The following ZFPM2 variants were observed in gnomAD, a reference collection of about 807,000 sequenced individuals.
The protein encoded by ZFPM2 is zinc finger protein ZFPM2.
A neutral mutation model predicts 98.6 loss-of-function variants in ZFPM2; 20 were observed. The observed-to-expected ratio is 0.20, with a 90% CI of 0.14 to 0.29. The LOEUF is 0.29. Ranked by LOEUF, ZFPM2 falls within the 10% of genes least tolerant of loss-of-function variation. ZFPM2 has a pLI of 1.00. For missense variants in ZFPM2, 1,310 were observed against 1,388.6 expected (o/e 0.94, Z 0.90); for synonymous variants, 518 against 502.7 (o/e 1.03, Z -0.41).
At chr8:105,758,581 T>C (rs544882114) in intron 5 of ZFPM2, among the ~76,000 whole-genome samples, 17 of 152,280 alleles carry the variant, frequency 1.1e-4, no homozygotes, top group African/African-American at 4.1e-4. Flanking sequence ...TTTGGACTTT[T>C]TATTTCAGTC....
At chr8:105,544,605 A>G (rs1586451152) in intron 3 of ZFPM2, among the ~76,000 whole-genome samples, 1 of 152,320 alleles carries the variant, frequency 6.6e-6, no homozygotes, top group Non-Finnish European at 1.5e-5. Context: ...TTCTGAAGAA[A>G]AGGAGGTCTA....
At position 105,802,166 on chromosome 8, in the gene ZFPM2, C is replaced by T. The variant is rs757616386; in HGVS notation, c.2084C>T (p.Thr695Ile). Residue 695 changes from threonine to isoleucine, a missense_variant, in exon 8 of 8, where the codon ACC (threonine) becomes ATC (isoleucine). Transcript: ENST00000407775. The part of the protein sequence containing the change: ...NKTTCEACNI[T>I]FSRHETYMVH... ...ACTACCTGTGAAGCTTGCAACATTA[C>T]CTTCAGCCGGCACGAAACATACATG... The T allele has an allele frequency of 5.3e-5, 86 of 1,613,800 alleles. 3 individuals are homozygous for T. The South Asian group carries it at 8.3e-4, about 16-fold the overall frequency.
chr8:105,401,503 G>A (rs915739944), intron 1 of ZFPM2, among the ~76,000 whole-genome samples: 19 of 151,964 alleles, frequency 1.3e-4, no homozygotes, highest in African/African-American at 3.9e-4. Flanking sequence ...AGAATTTCAG[G>A]GCCATCCTGC....
At chr8:105,691,236 T>TGACCACCCTCACTA (rs1563523034) in intron 5 of ZFPM2, among the ~76,000 whole-genome samples, 2 of 101,726 alleles carry the variant, frequency 2.0e-5, no homozygotes, top group South Asian at 3.9e-4. Context: ...AGAGACTTTT[T>TGACCACCCTCACTA]TTTTTTTTTT....
chr8:105,707,241 C>CA (rs113671142), intron 5 of ZFPM2, among the ~76,000 whole-genome samples: 52,986 of 116,826 alleles, frequency 0.45, 10,542 homozygotes, highest in East Asian at 0.68. Flanking sequence ...GACTTTGTCT[C>CA]AAAAAAAAAA....
At position 105,648,592 on chromosome 8, in the gene ZFPM2, A is replaced by G. The variant is rs186193386; in HGVS notation, c.532+14235A>G. 4.8e-3 allele frequency among the ~76,000 whole-genome samples: 729 copies of G among 152,354 alleles called. 5 individuals are homozygous for G. The highest frequency in any genetic ancestry group is 0.017 in the African/African-American group (702 of 41,584). On this transcript the variant is annotated intron_variant, in intron 5 of 7. Transcript: ENST00000407775. ...AAAGGATCCAGTTTCAGCTTTCCAC[A>G]TATGGCTAGCCAGTTTTCCCAGCAC...
intron 5 of ZFPM2, among the ~76,000 whole-genome samples, chr8:105,736,367 G>C (rs913309583): frequency 1.7e-4 from 26 of 151,912 alleles, no homozygotes; most frequent in Non-Finnish European, 1.9e-4. Context: ...CTTTGACCTT[G>C]AGCCTCATAT....
intron 5 of ZFPM2, among the ~76,000 whole-genome samples, chr8:105,693,191 G>T (rs1301840697): frequency 6.6e-6 from 1 of 152,202 alleles, no homozygotes; most frequent in Admixed American, 6.5e-5. Context: ...TACTGATCCA[G>T]TCCTCCATGG....
intron 6 of ZFPM2, 166 bp from the exon 7 acceptor site, chr8:105,798,558 A>T: frequency 1.7e-6 from 1 of 576,404 alleles, no homozygotes; most frequent in Non-Finnish European, 3.1e-6. Flanking sequence ...TTTCTTTAAA[A>T]GTCGAGTCCT....
chr8:105,534,010 TCCTCCCTTCTTCCCTTCCTC>T (rs1272316875), intron 3 of ZFPM2, among the ~76,000 whole-genome samples: 1 of 20,518 alleles, frequency 4.9e-5, no homozygotes, highest in Middle Eastern at 0.028. Context: ...CTTCCTTCCT[TCCTCCCTTCTTCCCTTCCTC>T]CCTCCCTCCC....
At chr8:105,498,694 C>G (rs1453186641) in intron 3 of ZFPM2, among the ~76,000 whole-genome samples, 8 of 152,162 alleles carry the variant, frequency 5.3e-5, no homozygotes, top group Non-Finnish European at 1.2e-4. Context: ...TGCAAAGATT[C>G]GATGCTATGA....
chr8:105,532,483 A>G (rs1418410551), intron 3 of ZFPM2, among the ~76,000 whole-genome samples: 2 of 152,208 alleles, frequency 1.3e-5, no homozygotes, highest in Non-Finnish European at 2.9e-5. Flanking sequence ...GTATTGCTCT[A>G]CAGCCATAAG....
In ZFPM2 at chr8:105,803,081, A is replaced by G. The variant is rs1814090455; in HGVS notation, c.2999A>G (p.His1000Arg). 6.2e-7 allele frequency: 1 copy of G among 1,613,814 alleles called. No individual in the cohort carries two copies. Among genetic ancestry groups the G allele is most frequent in the African/African-American group, 1.3e-5 (1 of 74,926 alleles). The change falls in exon 8 of 8, where the codon CAT (histidine) becomes CGT (arginine). Residue 1000 changes from histidine (H) to arginine (R), a missense_variant. Transcript: ENST00000407775. ...TATATTTCTGGTTCTCTTGTCATCC[A>G]TAACACTGACATCGAGCAAAGCAGA... ...SDYISGSLVI[H>R]NTDIEQSRNA...
intron 5 of ZFPM2, among the ~76,000 whole-genome samples, chr8:105,721,448 A>T (rs1342348352): frequency 6.6e-6 from 1 of 151,960 alleles, no homozygotes; most frequent in East Asian, 1.9e-4. Flanking sequence ...CAAAAACAGA[A>T]AGTTTATCTT....
At chr8:105,570,720 G>A (rs894495023) in intron 4 of ZFPM2, among the ~76,000 whole-genome samples, 6 of 151,962 alleles carry the variant, frequency 3.9e-5, no homozygotes. Context: ...GTCTTTCCAG[G>A]TTCTTTACAT....
At chr8:105,513,673 G>T (rs1424659366) in intron 3 of ZFPM2, among the ~76,000 whole-genome samples, 1 of 152,174 alleles carries the variant, frequency 6.6e-6, no homozygotes, top group African/African-American at 2.4e-5. Context: ...CATTCTTCAA[G>T]TATTTGAATC....
chr8:105,721,322 C>G (rs1349604732), intron 5 of ZFPM2, among the ~76,000 whole-genome samples: 2 of 151,948 alleles, frequency 1.3e-5, no homozygotes, highest in Non-Finnish European at 2.9e-5. Flanking sequence ...GTTCACATAT[C>G]CCAGTTATAG....
intron 5 of ZFPM2, among the ~76,000 whole-genome samples, chr8:105,651,715 C>A (rs1817182223): frequency 6.6e-6 from 1 of 152,126 alleles, no homozygotes; most frequent in African/African-American, 2.4e-5. Context: ...CAATTTTTCA[C>A]CTCTGTAACT....
chr8:105,468,071 C>T (rs1563673049), intron 3 of ZFPM2, among the ~76,000 whole-genome samples: 1 of 152,128 alleles, frequency 6.6e-6, no homozygotes, highest in East Asian at 1.9e-4. Context: ...TCTCTTATCA[C>T]TTCTCATAGC....
Sources: gnomAD v4.1 joint callset for allele counts (sites outside exome capture counted in the v4.1 genomes callset) on GRCh38, gnomAD v4.1.1 for gene constraint, MANE v1.5 for transcripts, NCBI Gene and HGNC (gene_info 2026-07-23, HGNC 2026-07-21) for gene names.